SEL1L3: variants seen among roughly 807,000 people sequenced by gnomAD.
The protein encoded by SEL1L3 is protein sel-1 homolog 3.
SEL1L3 carries 76 observed loss-of-function variants against 142.8 expected under a neutral mutation model. The observed-to-expected ratio is 0.53, with a 90% CI of 0.44 to 0.64. The LOEUF (loss-of-function observed/expected upper bound fraction) is 0.64, where lower values mean the gene tolerates loss of function less well. Ranked by LOEUF, SEL1L3 falls within the 30% of genes least tolerant of loss-of-function variation. The pLI is 0.00. For synonymous variants in SEL1L3, 504 were observed against 519.6 expected (o/e 0.97, Z 0.41); for missense variants, 1,262 against 1,381.7 (o/e 0.91, Z 1.37).
intron 11 of SEL1L3, 124 bp from the exon 12 acceptor site, chr4:25,790,698 GGGAA>G (rs1712262643): frequency 9.4e-6 from 1 of 106,084 alleles, no homozygotes. Context: ...GAGGGAGGGA[GGGAA>G]GGAAGAAAAG....
intron 14 of SEL1L3, 33 bp from the exon 15 acceptor site, chr4:25,782,451 A>G: frequency 6.3e-7 from 1 of 1,593,104 alleles, no homozygotes; most frequent in Non-Finnish European, 8.6e-7. Flanking sequence ...AATTAACTTT[A>G]GAAAAATGAA....
At chr4:25,747,320 T>G (rs1717304454), downstream of SEL1L3, 1 of 149,400 alleles carries the variant, frequency 6.7e-6, no homozygotes, top group Non-Finnish European at 1.5e-5. Flanking sequence ...AAATAAGCCC[T>G]CTCACCAGGA....
chr4:25,783,385 C>T (rs1473002757), intron 14 of SEL1L3, among the ~76,000 whole-genome samples: 1 of 152,204 alleles, frequency 6.6e-6, no homozygotes, highest in African/African-American at 2.4e-5. Context: ...CAACTTTGAA[C>T]TCCTCAAGAG....
chr4:25,793,089 C>T (rs1419412441), intron 11 of SEL1L3, among the ~76,000 whole-genome samples: 2 of 152,188 alleles, frequency 1.3e-5, no homozygotes, highest in Non-Finnish European at 2.9e-5. Flanking sequence ...CCATGAATAT[C>T]CTCATTTCAC....
At chr4:25,818,918 A>G (rs1157723306) in intron 8 of SEL1L3, among the ~76,000 whole-genome samples, 1 of 152,072 alleles carries the variant, frequency 6.6e-6, no homozygotes, top group Non-Finnish European at 1.5e-5. Flanking sequence ...ACCTGGGACC[A>G]TTTCATGTGA....
the SEL1L3 span, among the ~76,000 whole-genome samples, chr4:25,722,005 CA>C: frequency 6.6e-6 from 1 of 152,108 alleles, no homozygotes; most frequent in Non-Finnish European, 1.5e-5. Context: ...TAACAAAAGA[CA>C]GGGGAATGGG....
chr4:25,822,245 G>T, intron 6 of SEL1L3, 117 bp from the exon 7 acceptor site: 1 of 1,233,328 alleles, frequency 8.1e-7, no homozygotes, highest in East Asian at 2.3e-5. Context: ...CCTTCACTCT[G>T]AGTTTTAGCA....
At chr4:25,739,208 CAAAAAA>C in the SEL1L3 span, among the ~76,000 whole-genome samples, 1 of 150,530 alleles carries the variant, frequency 6.6e-6, no homozygotes, top group Non-Finnish European at 1.5e-5. Context: ...GACTCTGTCT[CAAAAAA>C]GAAAAACAAA....
chr4:25,831,451 C>T (rs1260735749), intron 5 of SEL1L3, among the ~76,000 whole-genome samples: 1 of 150,122 alleles, frequency 6.7e-6, no homozygotes, highest in African/African-American at 2.4e-5. Context: ...TATCTCCCTT[C>T]TAGGAATCAA....
At chr4:25,830,407 A>AAACT (rs1715359734) in intron 5 of SEL1L3, among the ~76,000 whole-genome samples, 2 of 152,248 alleles carry the variant, frequency 1.3e-5, no homozygotes, top group African/African-American at 4.8e-5. Flanking sequence ...AGATACTTCC[A>AAACT]AACTCCAAGC....
chr4:25,757,003 C>A lies in SEL1L3; in HGVS notation c.3259+531G>T, dbSNP rs977664489. On this transcript the variant is annotated intron_variant, in intron 23 of 23. Coordinates refer to ENST00000399878, the MANE Select transcript of SEL1L3 (RefSeq NM_015187.5). ...TATTTTGAGGCTGGGTGCAGTGGCC[C>A]ACGCCTGTAATCCCAGCACTTCAGG... 2.1e-4 allele frequency: 250 copies of A among 1,163,640 alleles called. 1 individual carries two copies. The highest frequency in any genetic ancestry group is 2.6e-4 in the Non-Finnish European group (237 of 917,562). 72.1% of individuals were successfully genotyped at this position (1,163,640 alleles called of 1,614,324 possible).
At chr4:25,724,238 G>A in the SEL1L3 span, among the ~76,000 whole-genome samples, 200 of 152,184 alleles carry the variant, frequency 1.3e-3, 1 homozygote, top group African/African-American at 4.4e-3. Flanking sequence ...GGGCAACATG[G>A]TGAGAACCCA....
At chr4:25,717,700 T>C in the SEL1L3 span, among the ~76,000 whole-genome samples, 2 of 152,164 alleles carry the variant, frequency 1.3e-5, no homozygotes, top group Admixed American at 1.3e-4. Flanking sequence ...GAATTTAGCA[T>C]AGAATGCTAA....
intron 1 of SEL1L3, among the ~76,000 whole-genome samples, chr4:25,859,793 T>C (rs574632287): frequency 6.6e-6 from 1 of 152,368 alleles, no homozygotes; most frequent in African/African-American, 2.4e-5. Flanking sequence ...TCATTAACGA[T>C]GGCAAATATT....
chr4:25,746,487 C>T (rs1312811394), downstream of SEL1L3, among the ~76,000 whole-genome samples: 4 of 116,166 alleles, frequency 3.4e-5, no homozygotes, highest in East Asian at 4.8e-4. Context: ...CCAGCCTGGG[C>T]GACAGAGCAA....
Position 25,802,283 on chromosome 4 carries a change from C to T in SEL1L3, c.1956G>A (p.Gln652=). 2.5e-6 allele frequency: 4 copies of T among 1,611,386 alleles called. No individual in the cohort carries two copies. The highest frequency in any genetic ancestry group is 3.4e-6 in the Non-Finnish European group (4 of 1,178,662). ...TCCCAACCTTTTTTCTCTCTCATAC[C>T]TGATCTCCTTGCAGTGTGTGCTGGT... ...PLDQHTLQGD[Q]AYVETIRLKD... is the part of the protein sequence containing the mutation. Residue 652 remains glutamine, a splice_region_variant and synonymous_variant, in exon 11 of 24, where the codon CAG becomes CAA. Coordinates refer to ENST00000399878, the MANE Select transcript of SEL1L3 (RefSeq NM_015187.5).
At chr4:25,734,637 C>A in the SEL1L3 span, among the ~76,000 whole-genome samples, 1 of 152,022 alleles carries the variant, frequency 6.6e-6, no homozygotes, top group African/African-American at 2.4e-5. Context: ...GGCCTGATCT[C>A]GGCTTACTGC....
At chr4:25,760,764 T>C (rs956985823) in intron 20 of SEL1L3, among the ~76,000 whole-genome samples, 2 of 152,206 alleles carry the variant, frequency 1.3e-5, no homozygotes, top group East Asian at 3.9e-4. Context: ...TATGTCGCAA[T>C]CATGATAAAA....
rs755373064 is a variant in SEL1L3 at position 25,819,881 on chromosome 4, C to T, written c.1350G>A (p.Arg450=). The change falls in exon 8 of 24, where the codon AGG becomes AGA. Residue 450 remains arginine, a synonymous_variant. Coordinates refer to ENST00000399878, the MANE Select transcript of SEL1L3 (RefSeq NM_015187.5). ...ATACTATTTCTTGAACCTCAGCACA[C>T]CTTTCATAATATAACTTGATTTGTT... ...LAEQIKLYYE[R]CAEVQEIVSV... The T allele has an allele frequency of 1.9e-6, 3 of 1,613,154 alleles. No individual in the cohort carries two copies. The highest frequency in any genetic ancestry group is 2.7e-5 in the African/African-American group (2 of 74,872).
Sources: allele counts gnomAD v4.1 joint callset (sites outside exome capture counted in the v4.1 genomes callset), GRCh38; gene constraint gnomAD v4.1.1; transcripts MANE v1.5; gene names NCBI Gene and HGNC (gene_info 2026-07-23, HGNC 2026-07-21).